The following CUX1 variants were observed in gnomAD, a reference collection of about 807,000 sequenced individuals.
CUX1 encodes protein CASP.
A neutral mutation model predicts 158.8 loss-of-function variants in CUX1; 31 were observed. The ratio of observed to expected loss-of-function variants is 0.20; its 90% CI spans 0.15 to 0.26. The LOEUF is 0.26. Ranked by LOEUF, CUX1 falls within the 10% of genes least tolerant of loss-of-function variation. The pLI is 1.00. For synonymous variants in CUX1, 879 were observed against 862.1 expected, an observed-to-expected ratio of 1.02 and a Z score of -0.34; for missense variants, 1,589 against 2,014.6, an observed-to-expected ratio of 0.79 and a Z score of 4.04.
At chr7:102,139,048 C>T (rs1295452496) in intron 8 of CUX1, among the ~76,000 whole-genome samples, 1 of 151,812 alleles carries the variant, frequency 6.6e-6, no homozygotes, top group Non-Finnish European at 1.5e-5. Flanking sequence ...AGTTTGAGAC[C>T]AGCCTGGCCA....
intron 2 of CUX1, among the ~76,000 whole-genome samples, chr7:102,018,688 T>A (rs997338104): frequency 3.3e-5 from 5 of 152,218 alleles, no homozygotes; most frequent in Non-Finnish European, 5.9e-5. Context: ...AGTGCAACCA[T>A]TTCTCAAAGT....
intron 1 of CUX1, among the ~76,000 whole-genome samples, chr7:101,863,602 C>T (rs985009825): frequency 1.3e-5 from 2 of 152,206 alleles, no homozygotes; most frequent in Admixed American, 6.5e-5. Flanking sequence ...CCACCCGCCT[C>T]GGCCTCCCAC....
rs1355178137 is a variant in CUX1, at chr7:101,821,396, A to T, written c.30+3727A>T. 1.1e-4 allele frequency among the ~76,000 whole-genome samples: 17 copies of T among 149,702 alleles called. No individual in the cohort carries two copies. In the East Asian group the frequency reaches 2.0e-3, roughly 17 times the overall value. The stretch of plus-strand genomic sequence containing the variant: ...CTCTTTCGCCCAGGCCGGAGTGCAG[A>T]GGCACTATCTCAGCTCACTGCAAAC... On this transcript the variant is annotated intron_variant, in intron 1 of 23. Transcript: ENST00000292535.
At chr7:102,281,378 G>A (rs1053556355) in intron 20 of CUX1, among the ~76,000 whole-genome samples, 7 of 151,736 alleles carry the variant, frequency 4.6e-5, no homozygotes, top group African/African-American at 1.7e-4. Context: ...AAAGAATTCC[G>A]GTGGCCGGGC....
At position 102,104,387 on chromosome 7, in the gene CUX1, T is replaced by C. The variant is rs782049592; in HGVS notation, c.458T>C (p.Leu153Pro). 1.2e-6 allele frequency: 2 copies of C among 1,611,714 alleles called. No homozygotes were observed. Among genetic ancestry groups the C allele is most frequent in the Admixed American group, 1.7e-5 (1 of 59,920 alleles). The change falls in exon 6 of 24, where the codon CTG (leucine) becomes CCG (proline). Residue 153 changes from leucine to proline, a missense_variant. By Grantham distance (98) the Leu-to-Pro change is moderately conservative (BLOSUM62 -3). Around this residue, in one of 8 missense-constraint regions of CUX1, gnomAD observed 515 missense variants for 574.4 expected, o/e 0.90. Coordinates refer to ENST00000292535, the MANE Select transcript of CUX1 (RefSeq NM_181552.4). Reference sequence around the variant, plus strand: ...AAAATCCGAGAATATGAACAGACACTGAAGAACCAAGCCGAAACCATAGCT... The same window carrying C: ...AAAATCCGAGAATATGAACAGACACCGAAGAACCAAGCCGAAACCATAGCT... ...KEKIREYEQT[L>P]KNQAETIALE... is the part of the protein sequence containing the mutation.
At chr7:102,134,455 A>G (rs548695666) in intron 8 of CUX1, among the ~76,000 whole-genome samples, 1 of 152,348 alleles carries the variant, frequency 6.6e-6, no homozygotes, top group South Asian at 2.1e-4. Flanking sequence ...CGTCTTTAAA[A>G]CATTCCAAAT....
At position 101,985,184 on chromosome 7, in the gene CUX1, A is replaced by G. The variant is rs564416725; in HGVS notation, c.142-42914A>G. Among the ~76,000 whole-genome samples, 32 of 152,278 alleles carry G rather than the reference A, an allele frequency of 2.1e-4. 1 individual carries two copies. The South Asian group carries it at 6.6e-3, about 32-fold the overall frequency. On this transcript the variant is annotated intron_variant, in intron 2 of 23. Transcript: ENST00000292535. The stretch of plus-strand genomic sequence containing the variant: ...AATACCGAGAAACAGATGGTTTCTC[A>G]CAGTAACAAATTGCTATGTGTATAC...
rs1794882239 is a variant in CUX1 at position 102,197,125 on chromosome 7, C to T, written c.1714C>T (p.Arg572Cys). Residue 572 changes from arginine to cysteine, a missense_variant, in exon 15 of 24, where the codon CGT (arginine) becomes TGT (cysteine). Arg to Cys is a radical substitution (Grantham distance 180, BLOSUM62 -3). This residue lies in a region of CUX1 where 37 missense variants were observed against 124.9 expected (regional missense o/e 0.30). Transcript: ENST00000292535. ...GCTGATTAAGCACAATATCGGACAA[C>T]GTATTTTCGGACATTATGTGTTGGG... ...EQLIKHNIGQ[R>C]IFGHYVLGLS... is the part of the protein sequence containing the mutation. 2 of 1,614,224 alleles carry T rather than the reference C, an allele frequency of 1.2e-6. No individual in the cohort carries two copies. The highest frequency in any genetic ancestry group is 1.7e-6 in the Non-Finnish European group (2 of 1,180,046).
At chr7:101,941,664 G>A (rs775562267) in intron 2 of CUX1, among the ~76,000 whole-genome samples, 6 of 152,142 alleles carry the variant, frequency 3.9e-5, no homozygotes, top group Admixed American at 2.0e-4. Context: ...TAGTTTTCAC[G>A]TCGGGGCATT....
chr7:101,902,241 C>T (rs888224627), intron 1 of CUX1, among the ~76,000 whole-genome samples: 3 of 152,142 alleles, frequency 2.0e-5, no homozygotes, highest in Admixed American at 2.0e-4. Flanking sequence ...GCTATGATTT[C>T]GACAAAGCCG....
chr7:101,949,511 C>CT (rs796728203), intron 2 of CUX1, among the ~76,000 whole-genome samples: 2,107 of 136,060 alleles, frequency 0.015, 18 homozygotes, highest in African/African-American at 0.022. Flanking sequence ...AGAGTGCTTG[C>CT]TTTTTTTTTT....
At chr7:102,280,170 A>T in intron 19 of CUX1, 1 of 1,270,646 alleles carries the variant, frequency 7.9e-7, no homozygotes, top group Non-Finnish European at 1.1e-6. Flanking sequence ...CAGCCCAGGG[A>T]AGCCCAGGGG....
At chr7:102,230,466 C>T (rs1798840085) in intron 21 of CUX1, among the ~76,000 whole-genome samples, 1 of 138,398 alleles carries the variant, frequency 7.2e-6, no homozygotes, top group South Asian at 2.3e-4. Flanking sequence ...GCCTGGGCAA[C>T]AGAGCAAGAC....
chr7:102,001,849 C>A (rs1392727599), intron 2 of CUX1, among the ~76,000 whole-genome samples: 1 of 152,212 alleles, frequency 6.6e-6, no homozygotes, highest in Non-Finnish European at 1.5e-5. Flanking sequence ...GAGCTTGCCC[C>A]TGCTCAGAAG....
intron 2 of CUX1, among the ~76,000 whole-genome samples, chr7:102,015,071 T>G (rs1818431860): frequency 6.6e-6 from 1 of 152,158 alleles, no homozygotes; most frequent in South Asian, 2.1e-4. Flanking sequence ...ATAAACAATA[T>G]GTGCTGATTA....
At chr7:101,892,119 C>T (rs76884926) in intron 1 of CUX1, among the ~76,000 whole-genome samples, 69 of 152,214 alleles carry the variant, frequency 4.5e-4, no homozygotes, top group African/African-American at 1.5e-3. Flanking sequence ...AGAGTCAGTC[C>T]GGACTTTGAG....
In CUX1 at chr7:102,060,123, A is replaced by G. The variant is rs1824623500; in HGVS notation, c.190-10216A>G. Among the ~76,000 whole-genome samples, 2 of 150,514 alleles carry G rather than the reference A, an allele frequency of 1.3e-5. 1 individual carries two copies. Among genetic ancestry groups the G allele is most frequent in the South Asian group, 4.2e-4 (2 of 4,738 alleles). On this transcript the variant is annotated intron_variant, in intron 3 of 23. Transcript: ENST00000292535. Reference sequence around the variant, plus strand: ...ACCCTGTCTTTACTAAAAAAATACAAAAAAAGTAGCTGGGCGTGGTAGTGG... The same window carrying G: ...ACCCTGTCTTTACTAAAAAAATACAGAAAAAGTAGCTGGGCGTGGTAGTGG...
intron 1 of CUX1, among the ~76,000 whole-genome samples, chr7:101,853,459 C>G (rs959095755): frequency 6.6e-6 from 1 of 152,184 alleles, no homozygotes; most frequent in East Asian, 1.9e-4. Context: ...TTTCTTTAGC[C>G]TTTGTCCTGT....
At chr7:102,011,475 C>A (rs1335682847) in intron 2 of CUX1, among the ~76,000 whole-genome samples, 1 of 151,978 alleles carries the variant, frequency 6.6e-6, no homozygotes, top group Non-Finnish European at 1.5e-5. Context: ...TTTTTCCTCC[C>A]AGGTTCAAGT....
Sources: allele counts gnomAD v4.1 joint callset (sites outside exome capture counted in the v4.1 genomes callset), GRCh38; gene constraint gnomAD v4.1.1; regional missense constraint gnomAD v4.1.1; transcripts MANE v1.5; gene names NCBI Gene and HGNC (gene_info 2026-07-23, HGNC 2026-07-21).